SNCAIP: variants seen among roughly 807,000 people sequenced by gnomAD.
The protein encoded by SNCAIP is synphilin-1.
Under a neutral mutation model 86.7 loss-of-function variants are expected in SNCAIP, and 43 were observed. The observed-to-expected ratio is 0.50, with a 90% CI of 0.39 to 0.64. The LOEUF (loss-of-function observed/expected upper bound fraction) is 0.64, where lower values mean the gene tolerates loss of function less well. Among genes scored for constraint, SNCAIP ranks in the 30% least tolerant of loss-of-function variants. SNCAIP has a pLI of 0.00. For synonymous variants in SNCAIP, 417 were observed against 427.2 expected (o/e 0.98, Z 0.29); for missense variants, 981 against 1,103.1 (o/e 0.89, Z 1.57).
intron 8 of SNCAIP, among the ~76,000 whole-genome samples, chr5:122,445,670 ACAC>A (rs1782129484): frequency 1.4e-5 from 2 of 147,060 alleles, no homozygotes; most frequent in African/African-American, 2.5e-5. Context: ...ACACACACAC[ACAC>A]ATTTTTTTTC....
At chr5:122,447,262 T>C (rs1374366784) in intron 8 of SNCAIP, among the ~76,000 whole-genome samples, 1 of 152,160 alleles carries the variant, frequency 6.6e-6, no homozygotes, top group Non-Finnish European at 1.5e-5. Flanking sequence ...ATCTCAGACT[T>C]CCAGCCTCCA....
At chr5:122,397,305 C>T (rs1413815570) in intron 2 of SNCAIP, among the ~76,000 whole-genome samples, 2 of 152,074 alleles carry the variant, frequency 1.3e-5, no homozygotes, top group Non-Finnish European at 2.9e-5. Context: ...ATGTCCACTT[C>T]TTATTATACA....
intron 8 of SNCAIP, among the ~76,000 whole-genome samples, chr5:122,448,800 A>G (rs1432320646): frequency 2.7e-5 from 4 of 149,206 alleles, no homozygotes; most frequent in African/African-American, 9.9e-5. Flanking sequence ...TGAGATTACA[A>G]GGTCAGGAGA....
At chr5:122,458,467 T>C (rs1012485957) in intron 10 of SNCAIP, among the ~76,000 whole-genome samples, 2 of 152,136 alleles carry the variant, frequency 1.3e-5, no homozygotes, top group African/African-American at 4.8e-5. Context: ...ACTAGAGGCA[T>C]CTTTGTACTT....
intron 9 of SNCAIP, 25 bp downstream of exon 9, chr5:122,449,962 G>A: frequency 6.8e-7 from 1 of 1,465,830 alleles, no homozygotes; most frequent in Non-Finnish European, 9.6e-7. Flanking sequence ...TTGTTGTTTA[G>A]CATTCTTAAG....
chr5:122,418,716 C>A (rs1292126065), intron 3 of SNCAIP, among the ~76,000 whole-genome samples: 1 of 152,172 alleles, frequency 6.6e-6, no homozygotes, highest in African/African-American at 2.4e-5. Context: ...ATAGCATTCT[C>A]ACTCTGTAAA....
At chr5:122,443,555 T>C (rs1781574086) in intron 7 of SNCAIP, 1 of 455,886 alleles carries the variant, frequency 2.2e-6, no homozygotes, top group East Asian at 6.9e-5. Context: ...TTCAAAGCAT[T>C]CTCCTTCCCA....
chr5:122,347,809 A>T (rs1042091373), intron 1 of SNCAIP, among the ~76,000 whole-genome samples: 4 of 152,130 alleles, frequency 2.6e-5, no homozygotes, highest in African/African-American at 2.4e-5. Context: ...CACCTAACAT[A>T]GGACCATGAA....
At chr5:122,456,177 C>T (rs1784701851) in intron 10 of SNCAIP, among the ~76,000 whole-genome samples, 1 of 152,184 alleles carries the variant, frequency 6.6e-6, no homozygotes, top group South Asian at 2.1e-4. Context: ...AATCCTAGCA[C>T]CAGCATTAGC....
chr5:122,330,248 A>G (rs1755020034), intron 1 of SNCAIP, among the ~76,000 whole-genome samples: 1 of 149,398 alleles, frequency 6.7e-6, no homozygotes, highest in Non-Finnish European at 1.5e-5. Context: ...CAGCCTCCCA[A>G]GTAGCTGGGA....
intron 1 of SNCAIP, among the ~76,000 whole-genome samples, chr5:122,355,437 G>T (rs2152752686): frequency 6.6e-6 from 1 of 152,070 alleles, no homozygotes; most frequent in East Asian, 1.9e-4. Context: ...CATCTTATAA[G>T]GTAATTAGGT....
intron 3 of SNCAIP, among the ~76,000 whole-genome samples, chr5:122,407,462 A>G (rs1773246992): frequency 6.6e-6 from 1 of 152,200 alleles, no homozygotes; most frequent in East Asian, 1.9e-4. Flanking sequence ...TTTTATGCTT[A>G]GTGCAGTGAA....
Position 122,432,031 on chromosome 5 carries a change from T to C in SNCAIP, c.1245T>C (p.Ser415=). 6.2e-7 allele frequency: 1 copy of C among 1,608,444 alleles called. No individual in the cohort carries two copies. The highest frequency in any genetic ancestry group is 8.5e-7 in the Non-Finnish European group (1 of 1,175,142). ...AAACAGAAGCCATTGCAGAACTGAG[T>C]TGTTCTAAGGATTTTCCAAGCCTTA... ...VSETEAIAEL[S]CSKDFPSLIH... Residue 415 remains serine (S), a synonymous_variant, in exon 6 of 11, where the codon AGT becomes AGC. Coordinates refer to ENST00000261368, the MANE Select transcript of SNCAIP (RefSeq NM_005460.4).
chr5:122,363,578 GTTTAATTTGAGGA>G (rs912207856), intron 1 of SNCAIP, among the ~76,000 whole-genome samples: 1 of 151,826 alleles, frequency 6.6e-6, no homozygotes, highest in Non-Finnish European at 1.5e-5. Flanking sequence ...ACACAAGTGT[GTTTAATTTGAGGA>G]TCCAACATGA....
chr5:122,364,382 G>A (rs1762763829), intron 1 of SNCAIP, among the ~76,000 whole-genome samples: 1 of 152,010 alleles, frequency 6.6e-6, no homozygotes, highest in Admixed American at 6.6e-5. Context: ...TCTTTCTTTT[G>A]CAAGATGCAA....
chr5:122,319,634 A>G (rs1359303550), intron 1 of SNCAIP, among the ~76,000 whole-genome samples: 1 of 152,196 alleles, frequency 6.6e-6, no homozygotes, highest in Non-Finnish European at 1.5e-5. Flanking sequence ...TAGGGATTTC[A>G]AGGATCCATT....
At chr5:122,340,329 T>A (rs1043726976) in intron 1 of SNCAIP, among the ~76,000 whole-genome samples, 3 of 152,210 alleles carry the variant, frequency 2.0e-5, no homozygotes, top group African/African-American at 7.2e-5. Flanking sequence ...TAGTACTATG[T>A]AGTACTGTCC....
At chr5:122,458,757 T>C (rs1221787738) in intron 10 of SNCAIP, among the ~76,000 whole-genome samples, 1 of 152,328 alleles carries the variant, frequency 6.6e-6, no homozygotes. Flanking sequence ...TAAGGCCTGA[T>C]TCCTTCACTC....
At chr5:122,311,647 G>T (rs1301196100), upstream of SNCAIP, 3 of 152,032 alleles carry the variant, frequency 2.0e-5, no homozygotes, top group East Asian at 5.8e-4. Flanking sequence ...ATTTCCAGGG[G>T]GAGAGGCCAA....
Sources: gnomAD v4.1 joint callset for allele counts (sites outside exome capture counted in the v4.1 genomes callset) on GRCh38, gnomAD v4.1.1 for gene constraint, MANE v1.5 for transcripts, NCBI Gene and HGNC (gene_info 2026-07-23, HGNC 2026-07-21) for gene names.